The following PARP8 variants were observed in gnomAD, a reference collection of about 807,000 sequenced individuals.
PARP8 encodes poly(ADP-ribose) polymerase family member 8, also known as protein mono-ADP-ribosyltransferase PARP8.
A neutral mutation model predicts 124.1 loss-of-function variants in PARP8; 51 were observed. That is an observed-to-expected ratio of 0.41 (90% confidence interval 0.33 to 0.52). PARP8 has a LOEUF of 0.52. PARP8 is among the 20% of genes least tolerant of loss of function. The pLI, the probability that PARP8 is intolerant of heterozygous loss-of-function variation, is 0.21. For synonymous variants in PARP8, 391 were observed against 361.5 expected (o/e 1.08, Z -0.93); for missense variants, 860 against 1,018.9 (o/e 0.84, Z 2.12).
At chr5:50,684,554 T>C (rs1751644718) in intron 2 of PARP8, among the ~76,000 whole-genome samples, 1 of 151,940 alleles carries the variant, frequency 6.6e-6, no homozygotes, top group Non-Finnish European at 1.5e-5. Flanking sequence ...ATACATAATG[T>C]CATAAAAAGG....
chr5:50,667,250 G>A (rs1484583550), intron 1 of PARP8, 64 bp downstream of exon 1: 1 of 1,513,220 alleles, frequency 6.6e-7, no homozygotes, highest in South Asian at 1.1e-5. Flanking sequence ...TGACCGCGAC[G>A]TCTGTGGCTG....
At position 50,827,823 on chromosome 5, in the gene PARP8, G is replaced by A. The variant is rs1561439582; in HGVS notation, c.1978-121G>A. ...ACAAATTAGCTTGCTAATGTGGTTA[G>A]TGGAAAATTACTATAGTTTGAAAGT... On this transcript the variant is annotated intron_variant, in intron 19 of 25. Transcript: ENST00000281631. The A allele has an allele frequency of 7.1e-6, 5 of 700,242 alleles. No homozygotes were observed. The African/African-American group carries it at 7.2e-5, about 10-fold the overall frequency. 43.4% of individuals were successfully genotyped at this position (700,242 alleles called of 1,614,324 possible).
At chr5:50,673,105 A>G (rs2149434310) in intron 2 of PARP8, among the ~76,000 whole-genome samples, 1 of 152,272 alleles carries the variant, frequency 6.6e-6, no homozygotes, top group Non-Finnish European at 1.5e-5. Flanking sequence ...TATATTCAAA[A>G]TATTGATTTT....
At chr5:50,712,840 G>GA (rs1754910292) in intron 2 of PARP8, among the ~76,000 whole-genome samples, 1 of 143,666 alleles carries the variant, frequency 7.0e-6, no homozygotes, top group Non-Finnish European at 1.5e-5. Flanking sequence ...GAGGAACAAG[G>GA]TTTTTTTTTT....
intron 2 of PARP8, among the ~76,000 whole-genome samples, chr5:50,675,417 G>A (rs765748397): frequency 7.2e-5 from 11 of 152,258 alleles, no homozygotes; most frequent in Middle Eastern, 6.8e-3. Context: ...CGATTCTCCC[G>A]TCTCAGTCTC....
intron 7 of PARP8, among the ~76,000 whole-genome samples, chr5:50,774,890 G>A (rs1289534233): frequency 1.6e-4 from 22 of 139,106 alleles, no homozygotes; most frequent in East Asian, 2.3e-4. Context: ...GACGATGGGC[G>A]GCCGGGCAGA....
At chr5:50,767,324 C>T (rs1761152166) in intron 7 of PARP8, among the ~76,000 whole-genome samples, 1 of 152,158 alleles carries the variant, frequency 6.6e-6, no homozygotes, top group Admixed American at 6.5e-5. Flanking sequence ...TTTGTAATCT[C>T]CTTTCTAGCA....
Position 50,844,549 on chromosome 5 carries a change from A to G in PARP8, c.*2481A>G, listed in dbSNP as rs542529653. The G allele has an allele frequency of 4.0e-5, 6 of 151,842 alleles. No homozygotes were observed. The highest frequency in any genetic ancestry group is 1.3e-4 in the Admixed American group (2 of 15,198). 9.4% of individuals were successfully genotyped at this position (151,842 alleles called of 1,614,324 possible). On this transcript the variant is annotated 3_prime_UTR_variant, in exon 26 of 26. Transcript: ENST00000281631. Reference sequence around the variant, plus strand: ...TCAGTCATTCATTAAAATATTATCTATTCACTTATTTGATGATTCCAAACA... The same window carrying G: ...TCAGTCATTCATTAAAATATTATCTGTTCACTTATTTGATGATTCCAAACA...
intron 18 of PARP8, among the ~76,000 whole-genome samples, chr5:50,825,232 A>C (rs1746213673): frequency 6.6e-6 from 1 of 152,196 alleles, no homozygotes; most frequent in Admixed American, 6.5e-5. Context: ...ATTTGACAGC[A>C]GTTTGCCTAT....
rs1299718728 is a variant in PARP8 at position 50,757,026 on chromosome 5, G to A, written c.185-2617G>A. The stretch of plus-strand genomic sequence containing the variant: ...TTTCATTCTTTTTCAGTTGCTGAAT[G>A]TAGTATTTTGTTGTATATGTGTACC... On this transcript the variant is annotated intron_variant, in intron 3 of 25. Transcript: ENST00000281631. 3.3e-5 allele frequency: 11 copies of A among 329,808 alleles called. 1 individual carries two copies. The highest frequency in any genetic ancestry group is 3.8e-5 in the Non-Finnish European group (6 of 159,358). The allele number at this position is 329,808 out of a possible 1,614,324, so 20.4% of individuals were successfully genotyped here.
In PARP8 at chr5:50,759,638, T is replaced by TTTTTA; in HGVS notation, c.185-5_185-4insTTTTA. The TTTTTA allele has an allele frequency of 2.6e-6, 4 of 1,525,424 alleles. No individual in the cohort carries two copies. Among genetic ancestry groups the TTTTTA allele is most frequent in the Non-Finnish European group, 3.5e-6 (4 of 1,146,252 alleles). The allele number at this position is 1,525,424 out of a possible 1,614,324, so 94.5% of individuals were successfully genotyped here. On this transcript the variant is annotated splice_region_variant and splice_polypyrimidine_tract_variant and intron_variant, in intron 3 of 25. Coordinates refer to ENST00000281631, the MANE Select transcript of PARP8 (RefSeq NM_024615.4). ...TTTCATTATCTTTTTTTTTTTTTTTTGCAGATAATACATATGTGTCAAGTT... is the reference window on the plus strand; with the variant it reads ...TTTCATTATCTTTTTTTTTTTTTTTTTTTTAGCAGATAATACATATGTGTCAAGTT...
At chr5:50,680,029 T>C (rs1305184316) in intron 2 of PARP8, among the ~76,000 whole-genome samples, 1 of 152,172 alleles carries the variant, frequency 6.6e-6, no homozygotes, top group Non-Finnish European at 1.5e-5. Context: ...ACTTTATACA[T>C]ACAGCCTGAA....
intron 9 of PARP8, among the ~76,000 whole-genome samples, chr5:50,787,985 G>A (rs953247076): frequency 1.3e-5 from 2 of 148,554 alleles, no homozygotes; most frequent in South Asian, 2.1e-4. Flanking sequence ...GTAAAAGTAC[G>A]AACCACGTGA....
chr5:50,811,595 GT>G (rs372535744), intron 14 of PARP8, among the ~76,000 whole-genome samples: 4,561 of 147,912 alleles, frequency 0.031, 221 homozygotes, highest in African/African-American at 0.1. Flanking sequence ...TCCATTGGGT[GT>G]TTTTTTTTTA....
chr5:50,669,512 T>C (rs541459295), intron 2 of PARP8: 1 of 152,328 alleles, frequency 6.6e-6, no homozygotes, highest in Non-Finnish European at 1.5e-5. Context: ...AGTAACTAGC[T>C]TTCTGATTTT....
At chr5:50,811,480 A>G (rs1159086983) in intron 14 of PARP8, among the ~76,000 whole-genome samples, 1 of 152,076 alleles carries the variant, frequency 6.6e-6, no homozygotes, top group Non-Finnish European at 1.5e-5. Flanking sequence ...GAGATTTATA[A>G]TAACTGTGTC....
chr5:50,824,587 C>T (rs1297788903), intron 17 of PARP8, among the ~76,000 whole-genome samples: 3 of 150,982 alleles, frequency 2.0e-5, no homozygotes, highest in East Asian at 1.9e-4. Flanking sequence ...GGGAGCATCA[C>T]GTTTTCTTGA....
At chr5:50,714,564 A>C (rs182760462) in intron 2 of PARP8, among the ~76,000 whole-genome samples, 1 of 152,122 alleles carries the variant, frequency 6.6e-6, no homozygotes, top group Non-Finnish European at 1.5e-5. Flanking sequence ...GATTTTGCAC[A>C]GTATCAATAG....
At chr5:50,801,369 G>A (rs894611667) in intron 14 of PARP8, among the ~76,000 whole-genome samples, 1 of 152,134 alleles carries the variant, frequency 6.6e-6, no homozygotes, top group African/African-American at 2.4e-5. Flanking sequence ...AAAGTGATGG[G>A]ATTACAGGCG....
Sources: gnomAD v4.1 joint callset for allele counts (sites outside exome capture counted in the v4.1 genomes callset) on GRCh38, gnomAD v4.1.1 for gene constraint, MANE v1.5 for transcripts, NCBI Gene and HGNC (gene_info 2026-07-23, HGNC 2026-07-21) for gene names.